The following TRIM67 variants were observed in gnomAD, a reference collection of about 807,000 sequenced individuals.
TRIM67 encodes tripartite motif-containing protein 67.
In TRIM67, 39 loss-of-function variants were observed where a neutral mutation model predicts 71.0. The ratio of observed to expected loss-of-function variants is 0.55; its 90% confidence interval spans 0.43 to 0.72. TRIM67 has a LOEUF of 0.72. Among genes scored for constraint, TRIM67 ranks in the 30% least tolerant of loss-of-function variants. The pLI, the probability that TRIM67 is intolerant of heterozygous loss-of-function variation, is 0.00. For synonymous variants in TRIM67, 481 were observed against 473.9 expected (o/e 1.01, Z -0.19); for missense variants, 973 against 1,079.2 (o/e 0.90, Z 1.38).
chr1:231,216,123 C>T lies in TRIM67; in HGVS notation c.*683C>T, dbSNP rs532008134. 1 of 984,002 alleles carries T rather than the reference C, an allele frequency of 1.0e-6. No homozygotes were observed. Among genetic ancestry groups the T allele is most frequent in the Non-Finnish European group, 1.2e-6 (1 of 828,810 alleles). 61.0% of individuals were successfully genotyped at this position (984,002 alleles called of 1,614,324 possible). A position where few individuals can be genotyped will look rare whatever the true frequency, so the allele number is the denominator to read the frequency against. ...ATTGTGTTCTCTCTCTCTCTTCCTC[C>T]ATCCTTCATTTCTTCTCCCTCCCTC... On this transcript the variant is annotated 3_prime_UTR_variant, in exon 10 of 10. Coordinates refer to ENST00000366653, the MANE Select transcript of TRIM67 (RefSeq NM_001004342.5).
chr1:231,210,512 A>G (rs1683838086), intron 8 of TRIM67, among the ~76,000 whole-genome samples: 1 of 151,128 alleles, frequency 6.6e-6, no homozygotes, highest in Admixed American at 6.6e-5. Context: ...CGGACACTGC[A>G]GGCTGGCCAC....
chr1:231,212,118 C>A (rs1683888889), intron 8 of TRIM67, among the ~76,000 whole-genome samples: 1 of 152,072 alleles, frequency 6.6e-6, no homozygotes, highest in Non-Finnish European at 1.5e-5. Flanking sequence ...GGGAGGGGGA[C>A]TCAAATGTAA....
intron 1 of TRIM67, among the ~76,000 whole-genome samples, chr1:231,175,913 G>A (rs1397761003): frequency 6.6e-6 from 1 of 152,086 alleles, no homozygotes; most frequent in Non-Finnish European, 1.5e-5. Flanking sequence ...TTTCAATTGG[G>A]GGCCACAGGT....
chr1:231,190,922 A>C (rs1435169009), intron 1 of TRIM67, among the ~76,000 whole-genome samples: 1 of 151,742 alleles, frequency 6.6e-6, no homozygotes, highest in African/African-American at 2.4e-5. Flanking sequence ...CCTGTGAGTC[A>C]CCTCCAGTGA....
At chr1:231,185,297 G>T in intron 1 of TRIM67, 1 of 1,316,882 alleles carries the variant, frequency 7.6e-7, no homozygotes, top group Non-Finnish European at 1.0e-6. Flanking sequence ...CTCCTACACT[G>T]GAGGGATCTG....
At chr1:231,175,274 C>A (rs918108906) in intron 1 of TRIM67, among the ~76,000 whole-genome samples, 1 of 152,182 alleles carries the variant, frequency 6.6e-6, no homozygotes, top group African/African-American at 2.4e-5. Flanking sequence ...GGGTTCTACA[C>A]CTGTAACCTA....
intron 5 of TRIM67, among the ~76,000 whole-genome samples, chr1:231,203,509 T>G (rs1418929075): frequency 6.6e-6 from 1 of 152,176 alleles, no homozygotes; most frequent in Non-Finnish European, 1.5e-5. Flanking sequence ...GAACTGTTGA[T>G]GCGTTCCTCA....
rs1031383275 is a variant in TRIM67 at position 231,179,378 on chromosome 1, C to A, written c.1044+15365C>A. Among the ~76,000 whole-genome samples the A allele has an allele frequency of 5.9e-5, 9 of 152,366 alleles. No homozygotes were observed. The East Asian group carries it at 1.7e-3, about 29-fold the overall frequency. Reference sequence around the variant, plus strand: ...GTGTGACCCCCACCTTAACCAATTACATCTGTAATGGCCCTATTGGCAAAC... The same window carrying A: ...GTGTGACCCCCACCTTAACCAATTAAATCTGTAATGGCCCTATTGGCAAAC... On this transcript the variant is annotated intron_variant, in intron 1 of 9. Coordinates refer to ENST00000366653, the MANE Select transcript of TRIM67 (RefSeq NM_001004342.5).
At chr1:231,166,015 G>A (rs1682452637) in intron 1 of TRIM67, among the ~76,000 whole-genome samples, 1 of 152,172 alleles carries the variant, frequency 6.6e-6, no homozygotes, top group African/African-American at 2.4e-5. Flanking sequence ...AAAGAACTAA[G>A]GTTATACAGG....
intron 1 of TRIM67, among the ~76,000 whole-genome samples, chr1:231,195,924 A>C (rs1348274081): frequency 1.3e-5 from 2 of 152,210 alleles, no homozygotes; most frequent in Admixed American, 6.5e-5. Flanking sequence ...ACACTTTGAC[A>C]ACCGTTGGTG....
chr1:231,184,899 G>T, intron 1 of TRIM67: 1 of 901,194 alleles, frequency 1.1e-6, no homozygotes, highest in Non-Finnish European at 1.7e-6. Flanking sequence ...CAAGAAACTA[G>T]GTCACGTAAA....
At chr1:231,214,127 T>C in intron 9 of TRIM67, 150 bp downstream of exon 9, 1 of 1,042,458 alleles carries the variant, frequency 9.6e-7, no homozygotes, top group South Asian at 1.8e-5. Context: ...CCTTGGACAT[T>C]TCCTGGAGGC....
chr1:231,163,499 A>G lies in TRIM67; in HGVS notation c.530A>G (p.Gln177Arg). The change falls in exon 1 of 10, where the codon CAG becomes CGG. Residue 177 changes from glutamine to arginine, a missense_variant. Around this residue, in one of 2 missense-constraint regions of TRIM67, gnomAD observed 795 missense variants for 831.3 expected, o/e 0.96. Transcript: ENST00000366653. ...SLDHRGLRGF[Q>R]RNRLLEAIVQ... ...GACCACCGCGGCCTGCGCGGCTTCC[A>G]GCGCAACCGGCTGCTCGAGGCCATC... The G allele has an allele frequency of 6.6e-7, 1 of 1,520,266 alleles. No homozygotes were observed. Among genetic ancestry groups the G allele is most frequent in the Non-Finnish European group, 8.8e-7 (1 of 1,140,048 alleles). The allele number at this position is 1,520,266 out of a possible 1,614,324, so 94.2% of individuals were successfully genotyped here. A position where few individuals can be genotyped will look rare whatever the true frequency, so the allele number is the denominator to read the frequency against.
At chr1:231,178,628 C>A (rs139179349) in intron 1 of TRIM67, among the ~76,000 whole-genome samples, 14 of 152,334 alleles carry the variant, frequency 9.2e-5, no homozygotes, top group African/African-American at 3.1e-4. Flanking sequence ...AGGCCACTTC[C>A]CCTCCTCACA....
intron 1 of TRIM67, among the ~76,000 whole-genome samples, chr1:231,168,888 C>A (rs991330320): frequency 6.6e-6 from 1 of 152,186 alleles, no homozygotes; most frequent in African/African-American, 2.4e-5. Context: ...TTCGTAAAAA[C>A]TTTCCAGGGG....
At chr1:231,205,853 G>A (rs943564042) in intron 6 of TRIM67, among the ~76,000 whole-genome samples, 1 of 152,208 alleles carries the variant, frequency 6.6e-6, no homozygotes, top group Middle Eastern at 3.2e-3. Flanking sequence ...CCAGCCTCAG[G>A]TGTGGGAGGA....
intron 8 of TRIM67, among the ~76,000 whole-genome samples, chr1:231,210,496 T>G (rs1683837134): frequency 6.6e-6 from 1 of 151,242 alleles, no homozygotes; most frequent in Non-Finnish European, 1.5e-5. Flanking sequence ...GCTCTGTGCC[T>G]CTGCCCGGAC....
chr1:231,216,742 AC>A lies in TRIM67; in HGVS notation c.*1304del. On this transcript the variant is annotated 3_prime_UTR_variant, in exon 10 of 10. Coordinates refer to ENST00000366653, the MANE Select transcript of TRIM67 (RefSeq NM_001004342.5). Reference sequence around the variant, plus strand: ...CCTGCCAGGGCAGGACTCTGGAAACACCAGGCTTCTCCCTTGAGATCCACAT... The same window carrying A: ...CCTGCCAGGGCAGGACTCTGGAAACACAGGCTTCTCCCTTGAGATCCACAT... The A allele has an allele frequency of 2.0e-6, 2 of 985,444 alleles. No individual in the cohort carries two copies. Among genetic ancestry groups the A allele is most frequent in the Non-Finnish European group, 2.4e-6 (2 of 829,936 alleles). 61.0% of individuals were successfully genotyped at this position (985,444 alleles called of 1,614,324 possible).
chr1:231,187,421 T>A, intron 1 of TRIM67: 1 of 1,104,612 alleles, frequency 9.1e-7, no homozygotes, highest in East Asian at 2.7e-5. Context: ...GTCATTTACA[T>A]TTCTCATTTA....
Sources: gnomAD v4.1 joint callset for allele counts (sites outside exome capture counted in the v4.1 genomes callset) on GRCh38, gnomAD v4.1.1 for gene constraint, gnomAD v4.1.1 regional missense constraint, MANE v1.5 for transcripts, NCBI Gene and HGNC (gene_info 2026-07-23, HGNC 2026-07-21) for gene names.